CYB5D2: variants seen among roughly 807,000 people sequenced by gnomAD.
CYB5D2 encodes neuferricin.
In CYB5D2, 23 loss-of-function variants were observed where a neutral mutation model predicts 22.8. That is an observed-to-expected ratio of 1.01 (90% CI 0.73 to 1.43). CYB5D2 has a LOEUF of 1.43. Ranked by LOEUF, CYB5D2 falls within the 40% of genes most tolerant of loss-of-function variation. The probability of loss-of-function intolerance (pLI) is 0.00; values close to 1 mark genes in which losing one functional copy is unlikely to be tolerated. For synonymous variants in CYB5D2, 170 were observed against 152.2 expected, an observed-to-expected ratio of 1.12 and a Z score of -0.86; for missense variants, 373 against 357.2, an observed-to-expected ratio of 1.04 and a Z score of -0.36.
chr17:4,143,572 G>A lies in CYB5D2; in HGVS notation c.-184G>A. On this transcript the variant is annotated 5_prime_UTR_variant, in exon 1 of 4. Coordinates refer to ENST00000301391, the MANE Select transcript of CYB5D2 (RefSeq NM_144611.4). ...ACCTGGAAAAAGTCGCAGACAGCGAGCTTTTCGCCAGTGCCAGGAATACAG... is the reference window on the plus strand; with the variant it reads ...ACCTGGAAAAAGTCGCAGACAGCGAACTTTTCGCCAGTGCCAGGAATACAG... 2.6e-6 allele frequency: 2 copies of A among 765,358 alleles called. No individual in the cohort carries two copies. Among genetic ancestry groups the A allele is most frequent in the Non-Finnish European group, 2.0e-6 (1 of 506,414 alleles). The allele number at this position is 765,358 out of a possible 1,614,324, so 47.4% of individuals were successfully genotyped here. A position where few individuals can be genotyped will look rare whatever the true frequency, so the allele number is the denominator to read the frequency against.
chr17:4,144,582 A>C (rs1401583215), intron 1 of CYB5D2, among the ~76,000 whole-genome samples: 2 of 152,114 alleles, frequency 1.3e-5, no homozygotes, highest in Non-Finnish European at 2.9e-5. Flanking sequence ...CTTCCTTAGA[A>C]GGTTAGGGCA....
At chr17:4,155,333 G>A (rs2059102726) in intron 3 of CYB5D2, among the ~76,000 whole-genome samples, 1 of 152,212 alleles carries the variant, frequency 6.6e-6, no homozygotes, top group Non-Finnish European at 1.5e-5. Context: ...CAGGTGAGGC[G>A]GGCATGGTGG....
chr17:4,152,107 G>A (rs568131396), intron 2 of CYB5D2, among the ~76,000 whole-genome samples: 4 of 152,272 alleles, frequency 2.6e-5, no homozygotes, highest in East Asian at 1.9e-4. Flanking sequence ...GTTCGGATGC[G>A]TTTGGTGTGA....
chr17:4,143,858 T>C lies in CYB5D2; in HGVS notation c.103T>C (p.Phe35Leu). ...LMGWWGPRAG[F>L]RLFIPEELSR... ...GGGCTGGTGGGGTCCCCGCGCTGGC[T>C]TTCGCCTTTTCATACCGGAGGAGCT... Residue 35 changes from phenylalanine to leucine, a missense_variant, in exon 1 of 4, where the codon TTT (phenylalanine) becomes CTT (leucine). Coordinates refer to ENST00000301391, the MANE Select transcript of CYB5D2 (RefSeq NM_144611.4). 2 of 1,614,130 alleles carry C rather than the reference T, an allele frequency of 1.2e-6. No individual in the cohort carries two copies. Among genetic ancestry groups the C allele is most frequent in the South Asian group, 1.1e-5 (1 of 91,078 alleles).
intron 1 of CYB5D2, among the ~76,000 whole-genome samples, chr17:4,148,916 T>A (rs1456354672): frequency 6.6e-6 from 1 of 151,710 alleles, no homozygotes; most frequent in African/African-American, 2.4e-5. Context: ...GTTTCCTGGC[T>A]GTGAGGGTGC....
chr17:4,155,552 A>G (rs149617578), intron 3 of CYB5D2, among the ~76,000 whole-genome samples: 1 of 152,332 alleles, frequency 6.6e-6, no homozygotes, highest in African/African-American at 2.4e-5. Context: ...CCTGGCCGCT[A>G]GCTTTGAAGA....
rs964278407 is a variant in CYB5D2, at chr17:4,143,597, G to A, written c.-159G>A. On this transcript the variant is annotated 5_prime_UTR_variant, in exon 1 of 4. Coordinates refer to ENST00000301391, the MANE Select transcript of CYB5D2 (RefSeq NM_144611.4). ...GCTTTTCGCCAGTGCCAGGAATACA[G>A]ATAAAACGAGAGAGACTAAGGGAGG... 3.8e-6 allele frequency: 4 copies of A among 1,052,978 alleles called. No homozygotes were observed. The African/African-American group carries it at 4.9e-5, about 13-fold the overall frequency. The allele number at this position is 1,052,978 out of a possible 1,614,324, so 65.2% of individuals were successfully genotyped here.
In CYB5D2 at chr17:4,149,972, C is replaced by T. The variant is rs780587456; in HGVS notation, c.332C>T (p.Ala111Val). The change falls in exon 2 of 4, where the codon GCT becomes GTT. Residue 111 changes from alanine to valine, a missense_variant. Coordinates refer to ENST00000301391, the MANE Select transcript of CYB5D2 (RefSeq NM_144611.4). ...GATGACGTATCCGACCTGTCAGCCG[C>T]TGAGATGCTGACACTTCACAATTGG... ...LVDDVSDLSAAEMLTLHNWLS... is the reference protein window; with the variant it reads ...LVDDVSDLSAVEMLTLHNWLS... 7 of 1,614,128 alleles carry T rather than the reference C, an allele frequency of 4.3e-6. No homozygotes were observed. The highest frequency in any genetic ancestry group is 1.7e-5 in the Admixed American group (1 of 60,014).
At chr17:4,149,692 T>C (rs767101191) in intron 1 of CYB5D2, among the ~76,000 whole-genome samples, 199 bp from the exon 2 acceptor site, 1 of 152,018 alleles carries the variant, frequency 6.6e-6, no homozygotes. Flanking sequence ...CCCGCTACTC[T>C]GGAGGCTGAA....
At chr17:4,150,133 A>AG in intron 2 of CYB5D2, 102 bp downstream of exon 2, 1 of 1,435,366 alleles carries the variant, frequency 7.0e-7, no homozygotes, top group Non-Finnish European at 9.6e-7. Flanking sequence ...TCTGAAAAAC[A>AG]GCCATGGATT....
intron 1 of CYB5D2, 33 bp downstream of exon 1, chr17:4,144,038 G>A (rs1212248593): frequency 1.3e-6 from 2 of 1,547,444 alleles, no homozygotes; most frequent in South Asian, 2.4e-5. Flanking sequence ...CTTTCTCTCC[G>A]CTGGCGCGAG....
At position 4,143,632 on chromosome 17, in the gene CYB5D2, C is replaced by T; in HGVS notation, c.-124C>T. 1 of 1,368,618 alleles carries T rather than the reference C, an allele frequency of 7.3e-7. No homozygotes were observed. The highest frequency in any genetic ancestry group is 9.9e-7 in the Non-Finnish European group (1 of 1,007,750). 84.8% of individuals were successfully genotyped at this position (1,368,618 alleles called of 1,614,324 possible). A position where few individuals can be genotyped will look rare whatever the true frequency, so the allele number is the denominator to read the frequency against. ...GAGAGACTAAGGGAGGGAGCGCGAG[C>T]ACTAGCGCGCGAGAGAGAGAGCGAG... On this transcript the variant is annotated 5_prime_UTR_variant, in exon 1 of 4. Transcript: ENST00000301391.
intron 2 of CYB5D2, among the ~76,000 whole-genome samples, chr17:4,153,903 G>A (rs897632110): frequency 6.6e-6 from 1 of 152,188 alleles, no homozygotes; most frequent in South Asian, 2.1e-4. Context: ...GAACATACGC[G>A]CCACTAGAAT....
At position 4,143,862 on chromosome 17, in the gene CYB5D2, G is replaced by A. The variant is rs777079437; in HGVS notation, c.107G>A (p.Arg36His). ...TGGTGGGGTCCCCGCGCTGGCTTTC[G>A]CCTTTTCATACCGGAGGAGCTGTCT... ...MGWWGPRAGF[R>H]LFIPEELSRY... The change falls in exon 1 of 4, where the codon CGC becomes CAC. Residue 36 changes from arginine to histidine, a missense_variant. By Grantham distance (29) the Arg-to-His change is conservative. Coordinates refer to ENST00000301391, the MANE Select transcript of CYB5D2 (RefSeq NM_144611.4). 1 of 1,614,102 alleles carries A rather than the reference G, an allele frequency of 6.2e-7. No individual in the cohort carries two copies. The highest frequency in any genetic ancestry group is 1.3e-5 in the African/African-American group (1 of 75,064).
At chr17:4,150,747 G>A (rs866710007) in intron 2 of CYB5D2, among the ~76,000 whole-genome samples, 6 of 152,118 alleles carry the variant, frequency 3.9e-5, no homozygotes, top group Admixed American at 6.5e-5. Context: ...TTACCTGGGC[G>A]TGGTGGCACG....
chr17:4,156,789 C>G (rs1252779290), intron 3 of CYB5D2, 77 bp from the exon 4 acceptor site: 19 of 1,499,268 alleles, frequency 1.3e-5, no homozygotes, highest in Non-Finnish European at 1.7e-5. Flanking sequence ...AGGCCTGGCT[C>G]TCTGCTTCCT....
At chr17:4,150,775 A>G (rs562631171) in intron 2 of CYB5D2, among the ~76,000 whole-genome samples, 133 of 152,248 alleles carry the variant, frequency 8.7e-4, no homozygotes, top group Non-Finnish European at 1.6e-3. Flanking sequence ...ACTCCCAGCT[A>G]CTCAGGAGGC....
intron 1 of CYB5D2, 81 bp from the exon 2 acceptor site, chr17:4,149,810 A>G (rs1352199374): frequency 1.3e-6 from 2 of 1,521,732 alleles, no homozygotes; most frequent in East Asian, 2.3e-5. Flanking sequence ...AAAAAAAAAG[A>G]AAAAGAAAGA....
intron 1 of CYB5D2, among the ~76,000 whole-genome samples, chr17:4,144,322 G>C (rs945647413): frequency 2.1e-5 from 3 of 143,988 alleles, no homozygotes; most frequent in Non-Finnish European, 3.1e-5. Flanking sequence ...CTTTTGTGGG[G>C]GCTCTTAGGG....
Sources: allele counts gnomAD v4.1 joint callset (sites outside exome capture counted in the v4.1 genomes callset), GRCh38; gene constraint gnomAD v4.1.1; transcripts MANE v1.5; gene names NCBI Gene and HGNC (gene_info 2026-07-23, HGNC 2026-07-21).